The following IMMP2L variants were observed in gnomAD, a reference collection of about 807,000 sequenced individuals.
IMMP2L encodes mitochondrial inner membrane protease subunit 2.
In IMMP2L, 18 loss-of-function variants were observed where a neutral mutation model predicts 19.3. That is an observed-to-expected ratio of 0.93 (90% confidence interval 0.64 to 1.38). The LOEUF (loss-of-function observed/expected upper bound fraction) is 1.38, where lower values mean the gene tolerates loss of function less well. IMMP2L is among the 40% of genes most tolerant of loss of function. The probability of loss-of-function intolerance (pLI) is 0.00; values close to 1 mark genes in which losing one functional copy is unlikely to be tolerated. For missense variants in IMMP2L, 233 were observed against 218.2 expected (o/e 1.07, Z -0.43); for synonymous variants, 76 against 73.0 (o/e 1.04, Z -0.21).
At chr7:110,689,750 T>C (rs924618293) in intron 5 of IMMP2L, among the ~76,000 whole-genome samples, 1 of 152,200 alleles carries the variant, frequency 6.6e-6, no homozygotes, top group African/African-American at 2.4e-5. Flanking sequence ...TTGCAGTGTT[T>C]TATTTTAAAC....
intron 3 of IMMP2L, among the ~76,000 whole-genome samples, chr7:111,332,605 C>A (rs1330375669): frequency 6.6e-6 from 1 of 151,836 alleles, no homozygotes; most frequent in Non-Finnish European, 1.5e-5. Context: ...CTACTTAGAA[C>A]AAGGCAGATC....
intron 5 of IMMP2L, among the ~76,000 whole-genome samples, chr7:110,857,738 T>C (rs985758871): frequency 1.3e-5 from 2 of 152,112 alleles, no homozygotes; most frequent in African/African-American, 4.8e-5. Context: ...GGGTAGCATT[T>C]AACCTCTGTG....
At chr7:111,150,097 A>C (rs1323807712) in intron 3 of IMMP2L, among the ~76,000 whole-genome samples, 1 of 152,168 alleles carries the variant, frequency 6.6e-6, no homozygotes, top group East Asian at 1.9e-4. Context: ...ACTTGCAAGA[A>C]AACGTAAAAT....
intron 3 of IMMP2L, among the ~76,000 whole-genome samples, chr7:111,447,665 C>T (rs1838641502): frequency 6.6e-6 from 1 of 151,638 alleles, no homozygotes; most frequent in Non-Finnish European, 1.5e-5. Flanking sequence ...AACGAAATCA[C>T]CAGCTAACAT....
chr7:111,554,621 T>C (rs538869384), intron 1 of IMMP2L, among the ~76,000 whole-genome samples: 1 of 151,756 alleles, frequency 6.6e-6, no homozygotes, highest in Non-Finnish European at 1.5e-5. Context: ...TTTATTTTAT[T>C]ATTATTATTA....
intron 3 of IMMP2L, among the ~76,000 whole-genome samples, chr7:111,251,085 A>G (rs1816055764): frequency 6.6e-6 from 1 of 152,182 alleles, no homozygotes. Context: ...AAAAGTTGGC[A>G]AAGGACATGA....
chr7:111,483,715 C>T (rs2132233320), intron 3 of IMMP2L: 1 of 152,260 alleles, frequency 6.6e-6, no homozygotes, highest in East Asian at 1.9e-4. Flanking sequence ...GTCTGCTTTG[C>T]TATATATGTG....
chr7:111,433,907 T>G (rs1836882281), intron 3 of IMMP2L, among the ~76,000 whole-genome samples: 2 of 151,666 alleles, frequency 1.3e-5, no homozygotes, highest in South Asian at 4.2e-4. Flanking sequence ...CCCTATTAAA[T>G]TACTAACATC....
At chr7:111,160,466 G>C (rs927137847) in intron 3 of IMMP2L, among the ~76,000 whole-genome samples, 2 of 151,780 alleles carry the variant, frequency 1.3e-5, no homozygotes, top group Non-Finnish European at 2.9e-5. Context: ...TTTTAAGGCT[G>C]GTATGGTGAG....
At chr7:111,440,862 G>T (rs1165117510) in intron 3 of IMMP2L, among the ~76,000 whole-genome samples, 1 of 151,836 alleles carries the variant, frequency 6.6e-6, no homozygotes, top group African/African-American at 2.4e-5. Context: ...ATCTTAGCTG[G>T]ATCTTCTAGG....
chr7:111,074,414 A>G (rs1805417967), intron 3 of IMMP2L, among the ~76,000 whole-genome samples: 1 of 152,228 alleles, frequency 6.6e-6, no homozygotes, highest in Admixed American at 6.5e-5. Context: ...AGCAATGCTG[A>G]AAAAGCCTTC....
chr7:111,311,546 G>C (rs192108625), intron 3 of IMMP2L, among the ~76,000 whole-genome samples: 1 of 152,198 alleles, frequency 6.6e-6, no homozygotes, highest in East Asian at 1.9e-4. Flanking sequence ...GGGACAACTT[G>C]AAGAAAGATT....
At chr7:110,930,319 G>GTT (rs34021196) in intron 4 of IMMP2L, among the ~76,000 whole-genome samples, 1 of 148,090 alleles carries the variant, frequency 6.8e-6, no homozygotes, top group African/African-American at 2.5e-5. Context: ...TCATTAACAT[G>GTT]TTTTTTTTTT....
intron 5 of IMMP2L, among the ~76,000 whole-genome samples, chr7:110,668,432 C>G (rs1246836758): frequency 6.6e-6 from 1 of 152,182 alleles, no homozygotes; most frequent in Non-Finnish European, 1.5e-5. Flanking sequence ...TTGATAGCTG[C>G]TACTCAGATG....
At chr7:110,871,896 T>G (rs1233384243) in intron 5 of IMMP2L, among the ~76,000 whole-genome samples, 1 of 152,150 alleles carries the variant, frequency 6.6e-6, no homozygotes, top group Non-Finnish European at 1.5e-5. Flanking sequence ...TTATTGCTCC[T>G]GATTGAGGAG....
chr7:111,172,935 T>C (rs1299369084), intron 3 of IMMP2L, among the ~76,000 whole-genome samples: 1 of 151,624 alleles, frequency 6.6e-6, no homozygotes, highest in Admixed American at 6.6e-5. Context: ...GTGCCGATAA[T>C]CTATGTAATA....
At chr7:110,767,483 A>G (rs1798746505) in intron 5 of IMMP2L, among the ~76,000 whole-genome samples, 1 of 152,144 alleles carries the variant, frequency 6.6e-6, no homozygotes, top group Non-Finnish European at 1.5e-5. Context: ...CATCCACTAT[A>G]ACAGTGTCCT....
chr7:111,401,319 G>A (rs1833403213), intron 3 of IMMP2L, among the ~76,000 whole-genome samples: 1 of 152,122 alleles, frequency 6.6e-6, no homozygotes, highest in South Asian at 2.1e-4. Flanking sequence ...TTATGGGGGA[G>A]CAAAGGCAAT....
At chr7:111,258,384 G>T (rs1368600636) in intron 3 of IMMP2L, among the ~76,000 whole-genome samples, 3 of 151,366 alleles carry the variant, frequency 2.0e-5, no homozygotes, top group Non-Finnish European at 4.4e-5. Flanking sequence ...AAGGTAGTAG[G>T]GCCTTAATCA....
Sources: allele counts gnomAD v4.1 joint callset (sites outside exome capture counted in the v4.1 genomes callset), GRCh38; gene constraint gnomAD v4.1.1; transcripts MANE v1.5; gene names NCBI Gene and HGNC (gene_info 2026-07-23, HGNC 2026-07-21).